Variants in CADM2 observed in about 807,000 individuals in gnomAD.
CADM2 encodes the protein immunoglobulin superfamily member 4D.
In CADM2, 12 loss-of-function variants were observed where a neutral mutation model predicts 49.8. That is an observed-to-expected ratio of 0.24 (90% CI 0.15 to 0.39). The LOEUF is 0.39. CADM2 is among the 10% of genes least tolerant of loss of function. The pLI is 1.00. For synonymous variants in CADM2, 214 were observed against 175.4 expected (o/e 1.22, Z -1.74); for missense variants, 378 against 492.3 (o/e 0.77, Z 2.20).
intron 1 of CADM2, among the ~76,000 whole-genome samples, chr3:85,617,791 A>G (rs1469584212): frequency 6.6e-6 from 1 of 152,164 alleles, no homozygotes; most frequent in African/African-American, 2.4e-5. Context: ...GGATTTTAGG[A>G]GCTGTATGGT....
chr3:85,223,589 A>G (rs1221165613), intron 1 of CADM2, among the ~76,000 whole-genome samples: 1 of 151,972 alleles, frequency 6.6e-6, no homozygotes, highest in Non-Finnish European at 1.5e-5. Flanking sequence ...AAATGTTTTT[A>G]TGTTTTATTT....
chr3:85,890,432 T>C (rs1714270910), intron 5 of CADM2, among the ~76,000 whole-genome samples: 1 of 152,182 alleles, frequency 6.6e-6, no homozygotes. Context: ...AGAGGGATTA[T>C]TTCTAGTCTT....
At chr3:85,851,274 T>C (rs1010608828) in intron 3 of CADM2, among the ~76,000 whole-genome samples, 3 of 152,136 alleles carry the variant, frequency 2.0e-5, no homozygotes, top group African/African-American at 7.2e-5. Flanking sequence ...CATGATTAAT[T>C]GAAATAAGCA....
chr3:85,910,607 A>C (rs1344500130), intron 5 of CADM2, among the ~76,000 whole-genome samples: 4 of 152,046 alleles, frequency 2.6e-5, no homozygotes, highest in Non-Finnish European at 5.9e-5. Context: ...TTCTGCGTAT[A>C]ATTTTGTATC....
chr3:85,275,017 A>G (rs1447545383), intron 1 of CADM2, among the ~76,000 whole-genome samples: 1 of 151,502 alleles, frequency 6.6e-6, no homozygotes, highest in African/African-American at 2.4e-5. Context: ...AAGCCTAGCC[A>G]TAGAATCTAA....
intron 1 of CADM2, among the ~76,000 whole-genome samples, chr3:85,147,400 G>C (rs1421554394): frequency 1.3e-5 from 2 of 151,638 alleles, no homozygotes; most frequent in Non-Finnish European, 2.9e-5. Context: ...ACAAAAGTGA[G>C]GTATTTTTTG....
At chr3:85,270,192 T>C (rs1048835881) in intron 1 of CADM2, among the ~76,000 whole-genome samples, 1 of 151,376 alleles carries the variant, frequency 6.6e-6, no homozygotes, top group African/African-American at 2.4e-5. Flanking sequence ...ATCAGTCCTA[T>C]AGATGCACTC....
At chr3:85,648,319 T>C (rs1316106006) in intron 1 of CADM2, among the ~76,000 whole-genome samples, 1 of 151,958 alleles carries the variant, frequency 6.6e-6, no homozygotes, top group Non-Finnish European at 1.5e-5. Context: ...TTTTGATGTT[T>C]TAATTGTCCT....
chr3:85,087,352 C>T (rs2037419182), intron 1 of CADM2, among the ~76,000 whole-genome samples: 2 of 152,080 alleles, frequency 1.3e-5, no homozygotes, highest in African/African-American at 4.8e-5. Context: ...TATTTGGCAT[C>T]ATGTAAACAA....
At chr3:84,998,784 T>G (rs1330474965) in intron 1 of CADM2, among the ~76,000 whole-genome samples, 1 of 152,150 alleles carries the variant, frequency 6.6e-6, no homozygotes, top group Non-Finnish European at 1.5e-5. Context: ...AGGCTCAGAT[T>G]TGCTAATCTC....
chr3:85,284,709 A>G (rs372998736), intron 1 of CADM2, among the ~76,000 whole-genome samples: 15 of 152,064 alleles, frequency 9.9e-5, no homozygotes, highest in African/African-American at 3.4e-4. Context: ...ATATGAGGAA[A>G]AAAGGTAGGA....
intron 1 of CADM2, among the ~76,000 whole-genome samples, chr3:85,482,881 AACTT>A (rs1448769005): frequency 1.3e-5 from 2 of 151,594 alleles, no homozygotes; most frequent in East Asian, 1.9e-4. Context: ...TTATTAATAA[AACTT>A]AATATGCTAT....
chr3:85,355,814 A>C (rs538078619), intron 1 of CADM2, among the ~76,000 whole-genome samples: 2 of 152,174 alleles, frequency 1.3e-5, no homozygotes, highest in African/African-American at 4.8e-5. Flanking sequence ...TTTGATGCAG[A>C]ATAAAGGAGG....
intron 8 of CADM2, chr3:86,015,178 G>T (rs1217922701): frequency 3.4e-5 from 15 of 439,260 alleles, no homozygotes; most frequent in Non-Finnish European, 4.1e-6. Context: ...AAGCCATATG[G>T]TGTATGTAAA....
intron 6 of CADM2, among the ~76,000 whole-genome samples, chr3:85,913,227 A>G (rs1717856727): frequency 6.6e-6 from 1 of 152,194 alleles, no homozygotes; most frequent in African/African-American, 2.4e-5. Flanking sequence ...CAAATGACAG[A>G]CTTGTAATTA....
chr3:85,965,778 A>G (rs2324939), intron 8 of CADM2, among the ~76,000 whole-genome samples: 104,962 of 151,304 alleles, frequency 0.69, 37,932 homozygotes, highest in African/African-American at 0.91. Context: ...AGAGAACATA[A>G]CAGATGATAC....
chr3:85,564,607 GTATT>G (rs1424445766), intron 1 of CADM2, among the ~76,000 whole-genome samples: 2 of 151,980 alleles, frequency 1.3e-5, no homozygotes, highest in Non-Finnish European at 2.9e-5. Context: ...ATAAAATCAT[GTATT>G]TATTTGTGTA....
chr3:85,877,129 G>T (rs1012731883), intron 3 of CADM2, among the ~76,000 whole-genome samples: 1 of 152,044 alleles, frequency 6.6e-6, no homozygotes, highest in African/African-American at 2.4e-5. Flanking sequence ...CCCACCGGTG[G>T]GTAGCAGGCA....
chr3:85,352,954 C>T (rs1264456948), intron 1 of CADM2, among the ~76,000 whole-genome samples: 3 of 151,972 alleles, frequency 2.0e-5, no homozygotes, highest in Admixed American at 2.0e-4. Context: ...CTAGTGAGTC[C>T]TTAAGTAGAA....
Sources: gnomAD v4.1 joint callset for allele counts (sites outside exome capture counted in the v4.1 genomes callset) on GRCh38, gnomAD v4.1.1 for gene constraint, MANE v1.5 for transcripts, NCBI Gene and HGNC (gene_info 2026-07-23, HGNC 2026-07-21) for gene names.